Variants in RAP1B observed in about 807,000 individuals in gnomAD.
RAP1B encodes the protein ras-related protein Rap-1b.
RAP1B carries 1 observed loss-of-function variant against 27.5 expected under a neutral mutation model. That is an observed-to-expected ratio of 0.04 (90% CI 0.01 to 0.17). The LOEUF is 0.17. RAP1B is among the 10% of genes least tolerant of loss of function. The pLI is 1.00. For synonymous variants in RAP1B, 75 were observed against 73.1 expected, an observed-to-expected ratio of 1.03 and a Z score of -0.13; for missense variants, 84 against 214.8, an observed-to-expected ratio of 0.39 and a Z score of 3.81.
At position 68,662,114 on chromosome 12, in the gene RAP1B, A is replaced by AT. The variant is rs1030686570; in HGVS notation, c.*2872dup. ...CTATATAATACTATATATATAATTT[A>AT]TTTTTTTCAATGCTGATAGGAATAA... On this transcript the variant is annotated 3_prime_UTR_variant, in exon 8 of 8. Transcript: ENST00000250559. 1 of 149,202 alleles carries AT rather than the reference A, an allele frequency of 6.7e-6. No individual in the cohort carries two copies. The highest frequency in any genetic ancestry group is 1.5e-5 in the Non-Finnish European group (1 of 67,462). The allele number at this position is 149,202 out of a possible 1,614,324, so 9.2% of individuals were successfully genotyped here. A position where few individuals can be genotyped will look rare whatever the true frequency, so the allele number is the denominator to read the frequency against.
chr12:68,658,747 C>G (rs1874406335), intron 7 of RAP1B, among the ~76,000 whole-genome samples: 1 of 152,092 alleles, frequency 6.6e-6, no homozygotes, highest in Admixed American at 6.5e-5. Context: ...GAAATAAATT[C>G]TATTTGTCTG....
chr12:68,637,620 A>C (rs1222769099), intron 1 of RAP1B, among the ~76,000 whole-genome samples: 6 of 150,528 alleles, frequency 4.0e-5, no homozygotes, highest in African/African-American at 9.7e-5. Flanking sequence ...AAAAAAAAAA[A>C]AAAAAAAACA....
In RAP1B at chr12:68,665,483, C is replaced by T. The variant is rs1379592854; in HGVS notation, c.*6234C>T. 1 of 152,126 alleles carries T rather than the reference C, an allele frequency of 6.6e-6. No homozygotes were observed. The highest frequency in any genetic ancestry group is 1.5e-5 in the Non-Finnish European group (1 of 68,038). 9.4% of individuals were successfully genotyped at this position (152,126 alleles called of 1,614,324 possible). ...ATAGTAATAAAAAGGAAAGCCTGGC[C>T]TAAACAGTCTTGGGATGGGGAGAAG... is the stretch of plus-strand genomic sequence containing the variant. On this transcript the variant is annotated 3_prime_UTR_variant, in exon 8 of 8. Coordinates refer to ENST00000250559, the MANE Select transcript of RAP1B (RefSeq NM_001010942.3).
At chr12:68,619,472 T>G (rs1871246207) in intron 1 of RAP1B, among the ~76,000 whole-genome samples, 1 of 152,204 alleles carries the variant, frequency 6.6e-6, no homozygotes, top group African/African-American at 2.4e-5. Context: ...GTAAGAAATC[T>G]TTACAAAGTG....
At position 68,661,549 on chromosome 12, in the gene RAP1B, C is replaced by G. The variant is rs560920014; in HGVS notation, c.*2300C>G. 6.6e-6 allele frequency: 1 copy of G among 151,978 alleles called. No individual in the cohort carries two copies. Among genetic ancestry groups the G allele is most frequent in the East Asian group, 1.9e-4 (1 of 5,198 alleles). 9.4% of individuals were successfully genotyped at this position (151,978 alleles called of 1,614,324 possible). ...ATTGAAGAGTTTCTCAGCCTCAGCA[C>G]TATTGATGTTTTATGTTTGATAATG... is the stretch of plus-strand genomic sequence containing the variant. On this transcript the variant is annotated 3_prime_UTR_variant, in exon 8 of 8. Transcript: ENST00000250559.
intron 3 of RAP1B, 43 bp from the exon 4 acceptor site, chr12:68,651,952 T>C: frequency 6.6e-7 from 1 of 1,519,312 alleles, no homozygotes; most frequent in Non-Finnish European, 9.1e-7. Flanking sequence ...GGTAGTTTTA[T>C]GTACATTGAA....
chr12:68,619,730 C>T (rs1311476661), intron 1 of RAP1B, among the ~76,000 whole-genome samples: 1 of 152,130 alleles, frequency 6.6e-6, no homozygotes, highest in Non-Finnish European at 1.5e-5. Context: ...TTGTTGGAAA[C>T]AGGAATGGGA....
chr12:68,642,924 G>C, intron 1 of RAP1B: 1 of 916,272 alleles, frequency 1.1e-6, no homozygotes, highest in Non-Finnish European at 1.8e-6. Flanking sequence ...ATGGCCTTTT[G>C]GTTCTGGGGT....
intron 1 of RAP1B, among the ~76,000 whole-genome samples, chr12:68,613,389 T>TAAA (rs34380580): frequency 0.01 from 1,263 of 123,306 alleles, 25 homozygotes; most frequent in African/African-American, 0.035. Context: ...AGACCTGTCT[T>TAAA]AAAAAAAAAA....
At chr12:68,626,046 C>G (rs1483845632) in intron 1 of RAP1B, among the ~76,000 whole-genome samples, 1 of 152,176 alleles carries the variant, frequency 6.6e-6, no homozygotes. Flanking sequence ...TTTCTCCTCT[C>G]ATGGAAGACA....
At chr12:68,627,529 T>A (rs1871892773) in intron 1 of RAP1B, among the ~76,000 whole-genome samples, 1 of 152,212 alleles carries the variant, frequency 6.6e-6, no homozygotes, top group Non-Finnish European at 1.5e-5. Context: ...ACATTTAAAT[T>A]TGACCTGACC....
intron 1 of RAP1B, among the ~76,000 whole-genome samples, chr12:68,631,846 T>G (rs1414345425): frequency 2.0e-5 from 3 of 152,176 alleles, no homozygotes; most frequent in Admixed American, 6.5e-5. Context: ...AGCAGGTATG[T>G]TTTGTCCATC....
rs535569981 is a variant in RAP1B, at chr12:68,644,686, CTTTTTT to C, written c.-26-3998_-26-3993del. Among the ~76,000 whole-genome samples, 82 of 109,112 alleles carry C rather than the reference CTTTTTT, an allele frequency of 7.5e-4. No individual in the cohort carries two copies. In the Middle Eastern group the frequency reaches 0.015, roughly 20 times the overall value. The allele number at this position is 109,112 out of a possible 152,430, so 71.6% of individuals were successfully genotyped here. On this transcript the variant is annotated intron_variant, in intron 1 of 7. Transcript: ENST00000250559. ...ATTGTTACTCTTATTTTAAAAGTTA[CTTTTTT>C]TTTTTTTTTTTTTTGAGATGGAGTC...
At chr12:68,633,059 A>G (rs972927133) in intron 1 of RAP1B, among the ~76,000 whole-genome samples, 3 of 152,126 alleles carry the variant, frequency 2.0e-5, no homozygotes, top group African/African-American at 2.4e-5. Context: ...TAAGTTAGAA[A>G]GGTTTTCAGT....
chr12:68,661,589 T>C lies in RAP1B; in HGVS notation c.*2340T>C, dbSNP rs190113238. ...GTTTGATAATGTATTCTGGCGACTC[T>C]CCTGTGCATTATAGGAATTTTAATA... is the stretch of plus-strand genomic sequence containing the variant. On this transcript the variant is annotated 3_prime_UTR_variant, in exon 8 of 8. Coordinates refer to ENST00000250559, the MANE Select transcript of RAP1B (RefSeq NM_001010942.3). The C allele has an allele frequency of 1.3e-5, 2 of 152,068 alleles. No homozygotes were observed. Among genetic ancestry groups the C allele is most frequent in the African/African-American group, 4.8e-5 (2 of 41,474 alleles). 9.4% of individuals were successfully genotyped at this position (152,068 alleles called of 1,614,324 possible). A position where few individuals can be genotyped will look rare whatever the true frequency, so the allele number is the denominator to read the frequency against.
chr12:68,642,063 C>T (rs1873049627), intron 1 of RAP1B, among the ~76,000 whole-genome samples: 1 of 152,014 alleles, frequency 6.6e-6, no homozygotes, highest in African/African-American at 2.4e-5. Flanking sequence ...CTGTTTAACG[C>T]GTTGAGTAAA....
chr12:68,628,777 T>C (rs189652052), intron 1 of RAP1B, among the ~76,000 whole-genome samples: 26 of 152,290 alleles, frequency 1.7e-4, no homozygotes, highest in African/African-American at 5.8e-4. Flanking sequence ...TTAAATAAAA[T>C]CAAAATTTTA....
chr12:68,634,829 ATGT>A (rs1872521660), intron 1 of RAP1B, among the ~76,000 whole-genome samples: 1 of 152,204 alleles, frequency 6.6e-6, no homozygotes, highest in South Asian at 2.1e-4. Flanking sequence ...GTCAAATTAT[ATGT>A]TGTTGAATAT....
chr12:68,656,619 T>A, intron 6 of RAP1B, 170 bp downstream of exon 6: 1 of 648,482 alleles, frequency 1.5e-6, no homozygotes, highest in African/African-American at 1.8e-5. Context: ...TAAACAATAC[T>A]ATTTCAGTCT....
Sources: allele counts gnomAD v4.1 joint callset (sites outside exome capture counted in the v4.1 genomes callset), GRCh38; gene constraint gnomAD v4.1.1; transcripts MANE v1.5; gene names NCBI Gene and HGNC (gene_info 2026-07-23, HGNC 2026-07-21).